Variants in USP42 observed in about 807,000 individuals in gnomAD.
USP42 encodes the protein ubiquitin specific peptidase 42, also known as ubiquitin carboxyl-terminal hydrolase 42.
A neutral mutation model predicts 113.0 loss-of-function variants in USP42; 23 were observed. The observed-to-expected ratio is 0.20, with a 90% CI of 0.15 to 0.29. USP42 has a LOEUF of 0.29. Among genes scored for constraint, USP42 ranks in the 10% least tolerant of loss-of-function variants. USP42 has a pLI of 1.00. For missense variants in USP42, 2,174 were observed against 1,779.8 expected, an observed-to-expected ratio of 1.22 and a Z score of -3.99; for synonymous variants, 933 against 699.0, an observed-to-expected ratio of 1.33 and a Z score of -5.28.
intron 3 of USP42, among the ~76,000 whole-genome samples, chr7:6,126,338 G>T (rs1220232405): frequency 2.0e-5 from 3 of 150,346 alleles, no homozygotes; most frequent in Non-Finnish European, 2.9e-5. Context: ...AGGCTGGAGT[G>T]CAGTGGCACG....
At chr7:6,093,094 C>A in the USP42 span, 1 of 150,394 alleles carries the variant, frequency 6.6e-6, no homozygotes, top group African/African-American at 2.5e-5. Context: ...GTCATCTGAG[C>A]ACTCTGAGTA....
intron 7 of USP42, among the ~76,000 whole-genome samples, chr7:6,142,024 A>G (rs1485476536): frequency 6.6e-6 from 1 of 152,058 alleles, no homozygotes; most frequent in African/African-American, 2.4e-5. Flanking sequence ...GAATGGATAG[A>G]CTGTAATTCC....
At chr7:6,129,827 C>T (rs1466374457) in intron 3 of USP42, among the ~76,000 whole-genome samples, 1 of 149,644 alleles carries the variant, frequency 6.7e-6, no homozygotes, top group Non-Finnish European at 1.5e-5. Context: ...TGCCATTGTA[C>T]TCCAGCCTGG....
chr7:6,086,361 A>T, the USP42 span, among the ~76,000 whole-genome samples: 1 of 150,694 alleles, frequency 6.6e-6, no homozygotes, highest in South Asian at 2.1e-4. Context: ...GCCTGCCACC[A>T]TGCCTGGCTA....
chr7:6,113,688 C>A (rs1003821598), intron 2 of USP42, among the ~76,000 whole-genome samples: 6 of 151,846 alleles, frequency 4.0e-5, no homozygotes, highest in Admixed American at 6.6e-5. Context: ...GTGTTGCAAT[C>A]TCGGCTCACT....
chr7:6,155,283 G>C, intron 15 of USP42, 88 bp downstream of exon 15: 1 of 1,439,494 alleles, frequency 6.9e-7, no homozygotes. Context: ...AGGAACAAGT[G>C]ACCAGCCAGG....
the USP42 span, among the ~76,000 whole-genome samples, chr7:6,087,203 C>T: frequency 1.1e-4 from 16 of 148,636 alleles, 2 homozygotes; most frequent in African/African-American, 3.8e-4. Context: ...AGCTAATTTT[C>T]GTAATTTTAG....
At chr7:6,089,100 A>G in the USP42 span, among the ~76,000 whole-genome samples, 3 of 150,592 alleles carry the variant, frequency 2.0e-5, no homozygotes, top group African/African-American at 7.5e-5. Context: ...GCTGGAGTGA[A>G]GTGGTGCGAT....
At chr7:6,137,868 A>C (rs922693902) in intron 4 of USP42, among the ~76,000 whole-genome samples, 1 of 151,872 alleles carries the variant, frequency 6.6e-6, no homozygotes, top group African/African-American at 2.4e-5. Flanking sequence ...TTTAGTAGAG[A>C]TGGGGTTTCA....
chr7:6,109,112 G>A (rs1440091452), intron 1 of USP42, among the ~76,000 whole-genome samples: 1 of 152,180 alleles, frequency 6.6e-6, no homozygotes, highest in Non-Finnish European at 1.5e-5. Flanking sequence ...GAATGGTGAT[G>A]TCAAGGAAAG....
At chr7:6,083,223 CTTATTTATTTATTTAT>C in the USP42 span, among the ~76,000 whole-genome samples, 4,298 of 130,812 alleles carry the variant, frequency 0.033, 214 homozygotes, top group Admixed American at 0.11. Flanking sequence ...CCGCACCCAG[CTTATTTATTTATTTAT>C]TTATTTATTT....
At position 6,104,978 on chromosome 7, in the gene USP42, TGCGGCG is replaced by T. The variant is rs1044224426; in HGVS notation, c.-49_-44del. 8 of 152,160 alleles carry T rather than the reference TGCGGCG, an allele frequency of 5.3e-5. No homozygotes were observed. The highest frequency in any genetic ancestry group is 1.8e-4 in the South Asian group (1 of 5,632). 9.4% of individuals were successfully genotyped at this position (152,160 alleles called of 1,614,324 possible). ...TCCCCCGCCGGGCGGCTGGGCTGTGTGCGGCGGCGGCGGCGGCGGCCGAGGGGGATG... is the reference window on the plus strand; with the variant it reads ...TCCCCCGCCGGGCGGCTGGGCTGTGTGCGGCGGCGGCGGCCGAGGGGGATG... On this transcript the variant is annotated 5_prime_UTR_variant, in exon 1 of 18. Transcript: ENST00000306177.
At chr7:6,103,851 T>G (rs1779099040), upstream of USP42, among the ~76,000 whole-genome samples, 1 of 150,946 alleles carries the variant, frequency 6.6e-6, no homozygotes, top group African/African-American at 2.5e-5. Context: ...CCCAGGAATC[T>G]TAGACCTGCC....
the USP42 span, among the ~76,000 whole-genome samples, chr7:6,082,025 CTG>C: frequency 6.6e-6 from 1 of 151,618 alleles, no homozygotes; most frequent in South Asian, 2.1e-4. Context: ...GGGGACTTGT[CTG>C]TATTACATAT....
the USP42 span, among the ~76,000 whole-genome samples, chr7:6,090,068 G>A: frequency 1.3e-5 from 2 of 148,378 alleles, no homozygotes; most frequent in Non-Finnish European, 3.0e-5. Flanking sequence ...GGGAGGTCAA[G>A]GTGGGCAGAT....
chr7:6,125,139 C>G (rs929546125), intron 3 of USP42, among the ~76,000 whole-genome samples: 6 of 149,016 alleles, frequency 4.0e-5, no homozygotes, highest in Admixed American at 2.0e-4. Context: ...CGAGATTGCA[C>G]CACTGCACTC....
chr7:6,122,009 C>G (rs376450151), intron 3 of USP42, among the ~76,000 whole-genome samples: 47 of 152,134 alleles, frequency 3.1e-4, no homozygotes, highest in African/African-American at 1.1e-3. Flanking sequence ...TGTTACTGAT[C>G]TTCTCAAAGA....
the USP42 span, among the ~76,000 whole-genome samples, chr7:6,087,189 G>A: frequency 6.7e-6 from 1 of 149,168 alleles, no homozygotes; most frequent in Non-Finnish European, 1.5e-5. Flanking sequence ...GTGCCATCAC[G>A]CCCAGCTAAT....
intron 3 of USP42, among the ~76,000 whole-genome samples, chr7:6,129,959 G>C (rs6953449): frequency 0.01 from 1,593 of 152,056 alleles, 29 homozygotes; most frequent in African/African-American, 0.036. Flanking sequence ...AGTATGATGA[G>C]TGATTTTCAG....
Sources: allele counts gnomAD v4.1 joint callset (sites outside exome capture counted in the v4.1 genomes callset), GRCh38; gene constraint gnomAD v4.1.1; transcripts MANE v1.5; gene names NCBI Gene and HGNC (gene_info 2026-07-23, HGNC 2026-07-21).